CLGN: variants seen among roughly 807,000 people sequenced by gnomAD.
CLGN encodes the protein testis tissue sperm-binding protein Li 79P.
Under a neutral mutation model 79.1 loss-of-function variants are expected in CLGN, and 62 were observed. The ratio of observed to expected loss-of-function variants is 0.78; its 90% CI spans 0.64 to 0.97. The LOEUF (loss-of-function observed/expected upper bound fraction) is 0.97. CLGN is among the 50% of genes least tolerant of loss of function. The pLI is 0.00. For synonymous variants in CLGN, 225 were observed against 224.7 expected (o/e 1.00, Z -0.01); for missense variants, 647 against 715.5 (o/e 0.90, Z 1.09).
At chr4:140,424,125 T>G (rs2126636364) in intron 1 of CLGN, among the ~76,000 whole-genome samples, 1 of 152,308 alleles carries the variant, frequency 6.6e-6, no homozygotes, top group Non-Finnish European at 1.5e-5. Context: ...ACTTGAGATC[T>G]TTTGTTTTTC....
Position 140,395,861 on chromosome 4 carries a change from T to C in CLGN, c.1107A>G (p.Lys369=). The C allele has an allele frequency of 6.3e-7, 1 of 1,584,508 alleles. No individual in the cohort carries two copies. ...KPPMIDNPKY[K]GVWRPPLVDN... is the part of the protein sequence containing the mutation. ...CGACCAGTGGAGGTCTCCATACTCC[T>C]TTGTATTTTGGGTTATCTATCATGG... Residue 369 remains lysine (K), a synonymous_variant, in exon 10 of 15, where the codon AAA becomes AAG. Coordinates refer to ENST00000325617, the MANE Select transcript of CLGN (RefSeq NM_004362.3).
chr4:140,401,565 T>G (rs1280895680), intron 6 of CLGN, among the ~76,000 whole-genome samples: 3 of 152,314 alleles, frequency 2.0e-5, no homozygotes, highest in East Asian at 3.9e-4. Flanking sequence ...CATGAAAAGT[T>G]TTTAAAATTA....
At chr4:140,399,687 G>C (rs1030822088) in intron 7 of CLGN, among the ~76,000 whole-genome samples, 1 of 152,156 alleles carries the variant, frequency 6.6e-6, no homozygotes, top group Non-Finnish European at 1.5e-5. Context: ...TGTCCTATTA[G>C]GTTCCAATAT....
At chr4:140,421,702 C>A (rs1729472993) in intron 1 of CLGN, among the ~76,000 whole-genome samples, 1 of 151,934 alleles carries the variant, frequency 6.6e-6, no homozygotes, top group Non-Finnish European at 1.5e-5. Context: ...GGATACTGAC[C>A]CCTTATCAAA....
Position 140,408,884 on chromosome 4 carries a change from T to TATACAC in CLGN, c.277+952_277+953insGTGTAT, listed in dbSNP as rs778910042. Among the ~76,000 whole-genome samples the TATACAC allele has an allele frequency of 1.9e-3, 273 of 145,566 alleles. 2 individuals are homozygous for TATACAC. Among genetic ancestry groups the TATACAC allele is most frequent in the East Asian group, 7.6e-3 (38 of 4,996 alleles). ...GCATATATATATATATATATATATA[T>TATACAC]ACACACACACACATATATATACACA... On this transcript the variant is annotated intron_variant, in intron 4 of 14. Transcript: ENST00000325617.
rs533139971 is a variant in CLGN at position 140,395,388 on chromosome 4, C to T, written c.1149+431G>A. On this transcript the variant is annotated intron_variant, in intron 10 of 14. Transcript: ENST00000325617. The stretch of plus-strand genomic sequence containing the variant: ...GTCTCCATCTCCTGACCTCGTGATC[C>T]GCCCGCCTTGGACTCCCAAAGTGCT... 5.3e-5 allele frequency among the ~76,000 whole-genome samples: 8 copies of T among 152,144 alleles called. 1 individual carries two copies. The South Asian group carries it at 8.3e-4, about 16-fold the overall frequency.
rs775934904 is a variant in CLGN at position 140,390,638 on chromosome 4, G to T, written c.1742C>A (p.Ser581Ter). 2 of 1,592,040 alleles carry T rather than the reference G, an allele frequency of 1.3e-6. No homozygotes were observed. Among genetic ancestry groups the T allele is most frequent in the South Asian group, 1.1e-5 (1 of 88,146 alleles). The change falls in exon 14 of 15, where the codon TCA (serine) becomes TAA (stop). Residue 581 changes from serine to a stop codon, truncating the protein, a stop_gained. Transcript: ENST00000325617. LOFTEE classifies it high-confidence loss of function. The part of the protein sequence containing the change: ...EESNQSNKSG[S>*]EDEMKEADES... ...CTTATTTTCTGTTACCTCATCCTCT[G>T]ACCCAGACTTATTTGATTGATTACT...
intron 1 of CLGN, among the ~76,000 whole-genome samples, chr4:140,416,168 A>C (rs1167137369): frequency 8.2e-5 from 3 of 36,742 alleles, no homozygotes; most frequent in Admixed American, 6.6e-4. Context: ...ACAAAGACAC[A>C]ACATACCAGA....
chr4:140,405,138 ATT>A (rs1560743109), intron 5 of CLGN, among the ~76,000 whole-genome samples: 1 of 149,616 alleles, frequency 6.7e-6, no homozygotes, highest in East Asian at 1.9e-4. Flanking sequence ...TTCTGAATAT[ATT>A]GTTTAATATT....
intron 5 of CLGN, 86 bp downstream of exon 5, chr4:140,405,856 A>T: frequency 1.5e-6 from 2 of 1,338,066 alleles, no homozygotes; most frequent in Non-Finnish European, 1.0e-6. Context: ...AGATTTTCAC[A>T]TCCATTTTCA....
chr4:140,426,913 T>G (rs574526490), intron 1 of CLGN: 1 of 152,502 alleles, frequency 6.6e-6, no homozygotes, highest in East Asian at 1.9e-4. Context: ...CGGCGCACAA[T>G]GGGCTCTGCG....
At chr4:140,392,561 G>A (rs375628045) in intron 12 of CLGN, 25 bp downstream of exon 12, 14 of 1,571,930 alleles carry the variant, frequency 8.9e-6, no homozygotes, top group East Asian at 2.3e-5. Context: ...GGTGAAAAAA[G>A]TTGAAGGAAA....
intron 1 of CLGN, among the ~76,000 whole-genome samples, chr4:140,420,752 A>G (rs2126634611): frequency 6.6e-6 from 1 of 152,248 alleles, no homozygotes; most frequent in African/African-American, 2.4e-5. Flanking sequence ...CATTTCTTAG[A>G]GAGAGGTATG....
chr4:140,392,494 GTTTATTACT>G, intron 12 of CLGN, 83 bp downstream of exon 12: 1 of 1,494,156 alleles, frequency 6.7e-7, no homozygotes, highest in Non-Finnish European at 9.0e-7. Context: ...GAGACATTTA[GTTTATTACT>G]TTTAAGAATC....
chr4:140,414,891 A>C (rs1411595795), intron 1 of CLGN, among the ~76,000 whole-genome samples: 1 of 150,664 alleles, frequency 6.6e-6, no homozygotes, highest in East Asian at 2.0e-4. Context: ...TCCAAGACAC[A>C]TAATTGTCAG....
intron 1 of CLGN, among the ~76,000 whole-genome samples, chr4:140,417,716 G>T (rs1167933011): frequency 6.6e-6 from 1 of 151,910 alleles, no homozygotes; most frequent in Non-Finnish European, 1.5e-5. Context: ...ACAAACAAAT[G>T]GAAGAACATT....
chr4:140,417,284 C>G (rs1578607424), intron 1 of CLGN, among the ~76,000 whole-genome samples: 1 of 129,826 alleles, frequency 7.7e-6, no homozygotes, highest in Non-Finnish European at 1.6e-5. Flanking sequence ...CCTTTGAAAA[C>G]TGGCACAAGA....
chr4:140,397,458 G>T (rs1286614432), intron 8 of CLGN, among the ~76,000 whole-genome samples: 7 of 142,392 alleles, frequency 4.9e-5, no homozygotes, highest in Admixed American at 7.0e-5. Context: ...GTTTAGGGAG[G>T]TTTTTTTTTT....
chr4:140,404,210 C>T (rs754915664), intron 5 of CLGN, among the ~76,000 whole-genome samples: 2 of 152,040 alleles, frequency 1.3e-5, no homozygotes, highest in Non-Finnish European at 2.9e-5. Flanking sequence ...TCTCCTGCCT[C>T]AGCCTCCCGA....
Sources: allele counts gnomAD v4.1 joint callset (sites outside exome capture counted in the v4.1 genomes callset), GRCh38; gene constraint gnomAD v4.1.1; transcripts MANE v1.5; gene names NCBI Gene and HGNC (gene_info 2026-07-23, HGNC 2026-07-21).